The following ADGRL3 variants were observed in gnomAD, a reference collection of about 807,000 sequenced individuals.
The protein encoded by ADGRL3 is adhesion G protein-coupled receptor L3, also known as calcium-independent alpha-latrotoxin receptor 3.
A neutral mutation model predicts 153.5 loss-of-function variants in ADGRL3; 62 were observed. The ratio of observed to expected loss-of-function variants is 0.40; its 90% CI spans 0.33 to 0.50. ADGRL3 has a LOEUF of 0.50. ADGRL3 is among the 20% of genes least tolerant of loss of function. The pLI is 0.47. For synonymous variants in ADGRL3, 710 were observed against 672.5 expected (o/e 1.06, Z -0.86); for missense variants, 1,641 against 1,859.4 (o/e 0.88, Z 2.16).
At chr4:61,977,388 G>C (rs1181849945) in intron 17 of ADGRL3, among the ~76,000 whole-genome samples, 1 of 152,026 alleles carries the variant, frequency 6.6e-6, no homozygotes, top group South Asian at 2.1e-4. Context: ...TCTATTCAGG[G>C]AACCAGGTAG....
chr4:61,935,959 T>TC lies in ADGRL3; in HGVS notation c.2333_2334insC (p.Leu778PhefsTer40). On this transcript the variant is annotated frameshift_variant, in exon 15 of 27. Transcript: ENST00000683033. LOFTEE classifies it high-confidence loss of function. ...GCAAGACTGAGCACAGAAGGAAACTTAGAAGACCTAAAATTTCCAGAAAAC... is the reference window on the plus strand; with the variant it reads ...GCAAGACTGAGCACAGAAGGAAACTTCAGAAGACCTAAAATTTCCAGAAAAC... 6.2e-7 allele frequency: 1 copy of TC among 1,600,550 alleles called. No individual in the cohort carries two copies. The highest frequency in any genetic ancestry group is 1.3e-5 in the African/African-American group (1 of 74,826).
intron 9 of ADGRL3, among the ~76,000 whole-genome samples, chr4:61,835,919 G>A (rs187996649): frequency 3.3e-5 from 5 of 152,204 alleles, no homozygotes; most frequent in African/African-American, 1.2e-4. Flanking sequence ...AGCTTGCAAA[G>A]GCTTTTAACT....
intron 21 of ADGRL3, among the ~76,000 whole-genome samples, chr4:62,001,856 C>T (rs1334640228): frequency 6.6e-6 from 1 of 152,004 alleles, no homozygotes; most frequent in Non-Finnish European, 1.5e-5. Context: ...ACAAGACAGG[C>T]CCCCTTGTTC....
chr4:61,871,786 T>G (rs944115854), intron 9 of ADGRL3, among the ~76,000 whole-genome samples: 1 of 152,190 alleles, frequency 6.6e-6, no homozygotes, highest in Non-Finnish European at 1.5e-5. Flanking sequence ...ATAAAGCTGT[T>G]ATTTTAAAAA....
intron 1 of ADGRL3, among the ~76,000 whole-genome samples, chr4:61,261,295 G>A (rs771585146): frequency 1.3e-5 from 2 of 149,022 alleles, no homozygotes; most frequent in Non-Finnish European, 3.0e-5. Flanking sequence ...GCCACCCAAA[G>A]TTCTGGGAGT....
At chr4:61,721,487 T>A (rs2151644058) in intron 6 of ADGRL3, among the ~76,000 whole-genome samples, 1 of 152,322 alleles carries the variant, frequency 6.6e-6, no homozygotes, top group East Asian at 1.9e-4. Flanking sequence ...TTCTGCCTGC[T>A]TTATTCTAGC....
Position 61,314,472 on chromosome 4 carries a change from T to C in ADGRL3, c.-239-68652T>C, listed in dbSNP as rs187208757. On this transcript the variant is annotated intron_variant, in intron 1 of 26. Transcript: ENST00000683033. The stretch of plus-strand genomic sequence containing the variant: ...GATCCACCCGCTCGGCCTCCCAAAG[T>C]GCTGGGATTATAGGCGTGAGCCACT... 3.3e-3 allele frequency among the ~76,000 whole-genome samples: 498 copies of C among 152,278 alleles called. 2 individuals carry two copies. The highest frequency in any genetic ancestry group is 0.012 in the African/African-American group (479 of 41,574).
intron 4 of ADGRL3, among the ~76,000 whole-genome samples, chr4:61,569,114 G>T (rs1013741467): frequency 6.6e-6 from 1 of 152,024 alleles, no homozygotes; most frequent in African/African-American, 2.4e-5. Context: ...TGGTTTAAGA[G>T]AAAATGTATT....
At chr4:61,581,051 G>T (rs918191829) in intron 4 of ADGRL3, among the ~76,000 whole-genome samples, 10 of 152,014 alleles carry the variant, frequency 6.6e-5, no homozygotes, top group African/African-American at 2.4e-4. Context: ...TTAGTTTAAA[G>T]AATTTAAACA....
intron 25 of ADGRL3, among the ~76,000 whole-genome samples, chr4:62,060,461 T>C (rs1739458827): frequency 6.6e-6 from 1 of 151,940 alleles, no homozygotes; most frequent in South Asian, 2.1e-4. Flanking sequence ...TTATGTTTTT[T>C]AAGATTTTTA....
At chr4:61,258,284 T>C (rs2092187276) in intron 1 of ADGRL3, among the ~76,000 whole-genome samples, 1 of 152,156 alleles carries the variant, frequency 6.6e-6, no homozygotes, top group Non-Finnish European at 1.5e-5. Flanking sequence ...ATGGTTACTT[T>C]CCTTCTGTAT....
intron 1 of ADGRL3, among the ~76,000 whole-genome samples, chr4:61,207,757 G>A (rs1197811730): frequency 6.6e-6 from 1 of 152,048 alleles, no homozygotes. Flanking sequence ...GTCATGAGAT[G>A]GTCTCTCATT....
chr4:61,384,942 G>A (rs1030259110), intron 2 of ADGRL3, among the ~76,000 whole-genome samples: 1 of 152,056 alleles, frequency 6.6e-6, no homozygotes, highest in African/African-American at 2.4e-5. Flanking sequence ...CGGATACAAG[G>A]TTTCCTTTTG....
chr4:61,703,597 G>A (rs2095804756), intron 6 of ADGRL3, among the ~76,000 whole-genome samples: 1 of 151,396 alleles, frequency 6.6e-6, no homozygotes, highest in African/African-American at 2.4e-5. Flanking sequence ...TAGAACAATA[G>A]GATAAGATTT....
At chr4:61,742,064 C>T (rs945416549) in intron 8 of ADGRL3, among the ~76,000 whole-genome samples, 4 of 152,142 alleles carry the variant, frequency 2.6e-5, no homozygotes, top group Non-Finnish European at 5.9e-5. Flanking sequence ...TGTTGTTGCT[C>T]TTCATTGGCA....
intron 8 of ADGRL3, among the ~76,000 whole-genome samples, chr4:61,782,832 T>C (rs1182725831): frequency 6.6e-6 from 1 of 152,120 alleles, no homozygotes; most frequent in East Asian, 1.9e-4. Flanking sequence ...CCCAGAAATA[T>C]TGACAGACAT....
At chr4:61,398,019 T>G in intron 2 of ADGRL3, among the ~76,000 whole-genome samples, 1 of 152,008 alleles carries the variant, frequency 6.6e-6, no homozygotes, top group Admixed American at 6.6e-5. Context: ...TAGATGTCTT[T>G]ATCACACTCA....
intron 9 of ADGRL3, among the ~76,000 whole-genome samples, chr4:61,864,302 AACTTC>A (rs572358996): frequency 9.4e-4 from 143 of 152,320 alleles, no homozygotes; most frequent in Middle Eastern, 6.8e-3. Flanking sequence ...CCATAAAAAT[AACTTC>A]TCTAAGTCAA....
chr4:61,535,943 AGTTTG>A (rs2098653228), intron 4 of ADGRL3, among the ~76,000 whole-genome samples: 1 of 151,530 alleles, frequency 6.6e-6, no homozygotes, highest in Non-Finnish European at 1.5e-5. Flanking sequence ...ACTAGCTTTG[AGTTTG>A]GTTTGTTCTT....
Sources: gnomAD v4.1 joint callset for allele counts (sites outside exome capture counted in the v4.1 genomes callset) on GRCh38, gnomAD v4.1.1 for gene constraint, MANE v1.5 for transcripts, NCBI Gene and HGNC (gene_info 2026-07-23, HGNC 2026-07-21) for gene names.